Variants in SEMA6D observed in about 807,000 individuals in gnomAD.
The protein encoded by SEMA6D is semaphorin-6D.
In SEMA6D, 35 loss-of-function variants were observed where a neutral mutation model predicts 106.6. The ratio of observed to expected loss-of-function variants is 0.33; its 90% CI spans 0.25 to 0.44. The LOEUF is 0.44. Ranked by LOEUF, SEMA6D falls within the 20% of genes least tolerant of loss-of-function variation. SEMA6D has a pLI of 1.00. For synonymous variants in SEMA6D, 499 were observed against 487.7 expected (o/e 1.02, Z -0.31); for missense variants, 1,185 against 1,345.9 (o/e 0.88, Z 1.87).
intron 1 of SEMA6D, among the ~76,000 whole-genome samples, chr15:47,311,258 G>A (rs1488396662): frequency 8.5e-5 from 13 of 152,092 alleles, no homozygotes; most frequent in Non-Finnish European, 1.5e-4. Context: ...AGTAGGATTC[G>A]GTTGCCCATA....
chr15:47,436,457 T>C (rs1567078232), intron 2 of SEMA6D, among the ~76,000 whole-genome samples: 2 of 151,528 alleles, frequency 1.3e-5, no homozygotes, highest in African/African-American at 2.4e-5. Flanking sequence ...TGTTACCATG[T>C]CATTGTTAGC....
At chr15:47,227,455 C>CTTTTCTTTCT (rs2031787525) in intron 1 of SEMA6D, among the ~76,000 whole-genome samples, 1 of 74,410 alleles carries the variant, frequency 1.3e-5, no homozygotes, top group African/African-American at 9.1e-5. Context: ...TCTTTTCTTT[C>CTTTTCTTTCT]TTTTCTTTCT....
At chr15:47,445,527 C>T in intron 2 of SEMA6D, among the ~76,000 whole-genome samples, 1 of 152,018 alleles carries the variant, frequency 6.6e-6, no homozygotes, top group Non-Finnish European at 1.5e-5. Context: ...ACATCTGTTT[C>T]ACACTGATAA....
chr15:47,232,051 G>A (rs541857813), intron 1 of SEMA6D, among the ~76,000 whole-genome samples: 234 of 152,028 alleles, frequency 1.5e-3, no homozygotes, highest in Non-Finnish European at 2.5e-3. Flanking sequence ...GATCTACTTA[G>A]TGTCTCTCCA....
At chr15:47,208,966 G>T (rs904325455) in intron 1 of SEMA6D, among the ~76,000 whole-genome samples, 3 of 152,258 alleles carry the variant, frequency 2.0e-5, no homozygotes, top group Non-Finnish European at 2.9e-5. Flanking sequence ...CTAATAAGAA[G>T]GAGTCCAGTT....
chr15:47,491,934 C>G (rs1463314778), intron 3 of SEMA6D, among the ~76,000 whole-genome samples: 1 of 151,978 alleles, frequency 6.6e-6, no homozygotes, highest in Non-Finnish European at 1.5e-5. Flanking sequence ...GGCTTCTACT[C>G]CTTTCTATTG....
intron 1 of SEMA6D, among the ~76,000 whole-genome samples, chr15:47,324,812 A>G (rs2037062127): frequency 6.6e-6 from 1 of 151,980 alleles, no homozygotes; most frequent in Non-Finnish European, 1.5e-5. Flanking sequence ...ATCTAGGTAT[A>G]TATAGATATA....
chr15:47,203,597 C>T (rs1227586221), intron 1 of SEMA6D, among the ~76,000 whole-genome samples: 4 of 152,202 alleles, frequency 2.6e-5, no homozygotes, highest in African/African-American at 9.6e-5. Flanking sequence ...CTTCAACCAT[C>T]TGGCCCATCT....
intron 3 of SEMA6D, among the ~76,000 whole-genome samples, chr15:47,597,696 G>A (rs2076564804): frequency 6.6e-6 from 1 of 151,722 alleles, no homozygotes; most frequent in Non-Finnish European, 1.5e-5. Context: ...GTAGATTAGT[G>A]ATTACCAGAG....
chr15:47,259,876 T>G (rs2033987366), intron 1 of SEMA6D, among the ~76,000 whole-genome samples: 2 of 152,212 alleles, frequency 1.3e-5, no homozygotes, highest in South Asian at 4.1e-4. Flanking sequence ...CTTTTTTGTT[T>G]TTAAATAGAT....
chr15:47,320,009 C>T (rs2036861581), intron 1 of SEMA6D, among the ~76,000 whole-genome samples: 1 of 152,090 alleles, frequency 6.6e-6, no homozygotes, highest in Non-Finnish European at 1.5e-5. Flanking sequence ...ATTTGTGTCT[C>T]CTGTCTTGAA....
At chr15:47,447,577 C>G in intron 2 of SEMA6D, among the ~76,000 whole-genome samples, 1 of 152,142 alleles carries the variant, frequency 6.6e-6, no homozygotes, top group East Asian at 1.9e-4. Flanking sequence ...GTGCTCAGGA[C>G]CCTTTCAGAC....
At chr15:47,309,534 T>C (rs2036363464) in intron 1 of SEMA6D, among the ~76,000 whole-genome samples, 1 of 152,150 alleles carries the variant, frequency 6.6e-6, no homozygotes, top group Non-Finnish European at 1.5e-5. Context: ...GTGCTTCCTT[T>C]ATGGGAAAAG....
At chr15:47,548,298 A>G (rs965928623) in intron 3 of SEMA6D, among the ~76,000 whole-genome samples, 4 of 152,188 alleles carry the variant, frequency 2.6e-5, no homozygotes, top group Admixed American at 2.6e-4. Context: ...ATGGAGAGGC[A>G]GCTGTGGCTC....
intron 1 of SEMA6D, among the ~76,000 whole-genome samples, chr15:47,342,574 A>C (rs1325621067): frequency 1.3e-5 from 2 of 152,236 alleles, no homozygotes; most frequent in Non-Finnish European, 2.9e-5. Flanking sequence ...TCACTTTAGC[A>C]TAGTATTCTG....
chr15:47,267,602 A>T (rs1212632060), intron 1 of SEMA6D, among the ~76,000 whole-genome samples: 3 of 151,960 alleles, frequency 2.0e-5, no homozygotes, highest in African/African-American at 7.3e-5. Context: ...TTTTGACTTA[A>T]CTTATTTCAC....
intron 3 of SEMA6D, among the ~76,000 whole-genome samples, chr15:47,533,422 A>G (rs780934775): frequency 1.5e-4 from 23 of 152,358 alleles, no homozygotes; most frequent in Non-Finnish European, 2.5e-4. Flanking sequence ...AGATTATTCA[A>G]TAGCTGTTTA....
At chr15:47,724,803 G>A (rs2079634155) in intron 1 of SEMA6D, among the ~76,000 whole-genome samples, 1 of 152,184 alleles carries the variant, frequency 6.6e-6, no homozygotes, top group Non-Finnish European at 1.5e-5. Flanking sequence ...TGGCCCTACA[G>A]CTTAAGCCAT....
intron 1 of SEMA6D, among the ~76,000 whole-genome samples, chr15:47,251,999 T>C (rs1024991213): frequency 1.5e-5 from 2 of 135,208 alleles, no homozygotes; most frequent in Non-Finnish European, 3.1e-5. Flanking sequence ...CACTGCAAGC[T>C]CCGCCTCCCG....
Sources: gnomAD v4.1 joint callset for allele counts (sites outside exome capture counted in the v4.1 genomes callset) on GRCh38, gnomAD v4.1.1 for gene constraint, MANE v1.5 for transcripts, NCBI Gene and HGNC (gene_info 2026-07-23, HGNC 2026-07-21) for gene names.